The following ESF1 variants were observed in gnomAD, a reference collection of about 807,000 sequenced individuals.
ESF1 encodes ESF1 homolog.
In ESF1, 58 loss-of-function variants were observed where a neutral mutation model predicts 92.0. That is an observed-to-expected ratio of 0.63 (90% CI 0.51 to 0.78). ESF1 has a LOEUF of 0.78. Among genes scored for constraint, ESF1 ranks in the 30% least tolerant of loss-of-function variants. The pLI, the probability that ESF1 is intolerant of heterozygous loss-of-function variation, is 0.00. For synonymous variants in ESF1, 321 were observed against 313.7 expected, an observed-to-expected ratio of 1.02 and a Z score of -0.24; for missense variants, 922 against 989.1, an observed-to-expected ratio of 0.93 and a Z score of 0.91.
At chr20:13,754,184 C>G (rs988094346) in intron 9 of ESF1, among the ~76,000 whole-genome samples, 3 of 152,178 alleles carry the variant, frequency 2.0e-5, no homozygotes, top group Admixed American at 6.5e-5. Context: ...TTCAATATCA[C>G]CAGTGAGCTT....
At chr20:13,744,250 A>G (rs934712654) in intron 9 of ESF1, among the ~76,000 whole-genome samples, 3 of 152,238 alleles carry the variant, frequency 2.0e-5, no homozygotes, top group Non-Finnish European at 4.4e-5. Flanking sequence ...AAAAGACACT[A>G]TAAAGAAAGT....
chr20:13,780,495 A>G (rs1980131781), intron 2 of ESF1, among the ~76,000 whole-genome samples: 1 of 152,174 alleles, frequency 6.6e-6, no homozygotes, highest in African/African-American at 2.4e-5. Context: ...TGGTTCCACT[A>G]CAAATGTAAA....
intron 9 of ESF1, among the ~76,000 whole-genome samples, chr20:13,748,462 A>G (rs1337524706): frequency 7.9e-6 from 1 of 125,792 alleles, no homozygotes; most frequent in African/African-American, 3.0e-5. Flanking sequence ...ATATATACAT[A>G]TATACACATA....
chr20:13,748,541 TGTGTGTG>T, intron 9 of ESF1, among the ~76,000 whole-genome samples: 6 of 52,584 alleles, frequency 1.1e-4, no homozygotes, highest in African/African-American at 2.0e-4. Context: ...CACATATATA[TGTGTGTG>T]TATATATATA....
intron 9 of ESF1, among the ~76,000 whole-genome samples, chr20:13,743,406 A>G (rs2050028100): frequency 6.6e-6 from 1 of 152,242 alleles, no homozygotes; most frequent in South Asian, 2.1e-4. Context: ...TGAAATCAGT[A>G]TCTTGAAGAG....
chr20:13,749,478 T>C (rs1476384762), intron 9 of ESF1, among the ~76,000 whole-genome samples: 1 of 152,080 alleles, frequency 6.6e-6, no homozygotes, highest in African/African-American at 2.4e-5. Context: ...ATACACAGGG[T>C]CAGGTTTTCA....
chr20:13,742,448 G>A (rs1298443921), intron 9 of ESF1, among the ~76,000 whole-genome samples: 2 of 151,822 alleles, frequency 1.3e-5, no homozygotes, highest in African/African-American at 4.8e-5. Context: ...TCCAGCCTGG[G>A]CAACAGAGTG....
At chr20:13,759,925 C>G in intron 8 of ESF1, 72 bp from the exon 9 acceptor site, 1 of 1,485,630 alleles carries the variant, frequency 6.7e-7, no homozygotes, top group Non-Finnish European at 8.9e-7. Flanking sequence ...CTTATGGTCA[C>G]TCTCTTTTAA....
At chr20:13,731,881 A>C (rs2049945727) in intron 10 of ESF1, among the ~76,000 whole-genome samples, 1 of 152,228 alleles carries the variant, frequency 6.6e-6, no homozygotes, top group African/African-American at 2.4e-5. Context: ...GAGCTTCTGG[A>C]TAGCTGGACA....
intron 9 of ESF1, among the ~76,000 whole-genome samples, chr20:13,735,490 C>G (rs2049970293): frequency 6.6e-6 from 1 of 152,048 alleles, no homozygotes; most frequent in Non-Finnish European, 1.5e-5. Flanking sequence ...ATGTTTAGAT[C>G]TCTGATTCAA....
Position 13,770,122 on chromosome 20 carries a change from T to G in ESF1, c.1404-101A>C. 3 of 647,696 alleles carry G rather than the reference T, an allele frequency of 4.6e-6. No homozygotes were observed. In the South Asian group the frequency reaches 5.8e-5, roughly 12 times the overall value. 40.1% of individuals were successfully genotyped at this position (647,696 alleles called of 1,614,324 possible). A position where few individuals can be genotyped will look rare whatever the true frequency, so the allele number is the denominator to read the frequency against. ...TTGTAGTTTATACATACACAAACTT[T>G]CTAAAAGACACACGTTTAAGAGACA... On this transcript the variant is annotated intron_variant, in intron 6 of 13. Transcript: ENST00000617257.
chr20:13,753,086 C>T lies in ESF1; in HGVS notation c.1828+6606G>A, dbSNP rs139924785. Among the ~76,000 whole-genome samples the T allele has an allele frequency of 2.6e-5, 4 of 152,222 alleles. No individual in the cohort carries two copies. In the East Asian group the frequency reaches 7.7e-4, roughly 29 times the overall value. On this transcript the variant is annotated intron_variant, in intron 9 of 13. Transcript: ENST00000617257. ...CCCTACCACTATGAAAGCTTTAAGA[C>T]GATCAAAACTAATCTCAAAATCCCT...
Position 13,755,301 on chromosome 20 carries a change from T to G in ESF1, c.1828+4391A>C, listed in dbSNP as rs1402364906. Among the ~76,000 whole-genome samples, 4 of 152,222 alleles carry G rather than the reference T, an allele frequency of 2.6e-5. No homozygotes were observed. The South Asian group carries it at 6.2e-4, about 24-fold the overall frequency. ...CAGGACTTTTACCATAATCAAAAAT[T>G]TAAGATTATAAACAAACATGCCATT... is the stretch of plus-strand genomic sequence containing the variant. On this transcript the variant is annotated intron_variant, in intron 9 of 13. Coordinates refer to ENST00000617257, the MANE Select transcript of ESF1 (RefSeq NM_001276380.2).
chr20:13,760,018 T>A (rs1979088538), intron 8 of ESF1, among the ~76,000 whole-genome samples, 165 bp from the exon 9 acceptor site: 1 of 152,268 alleles, frequency 6.6e-6, no homozygotes, highest in South Asian at 2.1e-4. Flanking sequence ...TCATGTAGAA[T>A]AAAAATCAGT....
At chr20:13,717,566 C>T (rs372395065) in intron 12 of ESF1, 52 bp from the exon 13 acceptor site, 4 of 1,598,468 alleles carry the variant, frequency 2.5e-6, no homozygotes, top group African/African-American at 1.3e-5. Context: ...TTTTTTCCAC[C>T]CCCAAAAAGG....
chr20:13,765,258 A>G (rs6033819), intron 8 of ESF1, among the ~76,000 whole-genome samples: 104,292 of 152,068 alleles, frequency 0.69, 36,023 homozygotes, highest in East Asian at 0.89. Context: ...GATAAAGATA[A>G]TTTGAGGAAC....
At chr20:13,760,690 C>T (rs375678479) in intron 8 of ESF1, among the ~76,000 whole-genome samples, 2,510 of 151,738 alleles carry the variant, frequency 0.017, 20 homozygotes, top group Non-Finnish European at 0.023. Context: ...CCAGGCCAGC[C>T]GCCCCGTCTG....
chr20:13,776,259 T>G lies in ESF1; in HGVS notation c.649A>C (p.Ile217Leu). Reference sequence around the variant, plus strand: ...TAACCATCACTGTCTCTTGTCATTATGAGTTGAACCACTGCAAAATGTTAA... The same window carrying G: ...TAACCATCACTGTCTCTTGTCATTAGGAGTTGAACCACTGCAAAATGTTAA... ...RREMQSVVQL[I>L]MTRDSDGYEN... Residue 217 changes from isoleucine (I) to leucine (L), a missense_variant, in exon 3 of 14, where the codon ATA (isoleucine) becomes CTA (leucine). By Grantham distance (5) the Ile-to-Leu change is conservative. Transcript: ENST00000617257. The G allele has an allele frequency of 6.2e-7, 1 of 1,611,696 alleles. No homozygotes were observed. Among genetic ancestry groups the G allele is most frequent in the Non-Finnish European group, 8.5e-7 (1 of 1,179,050 alleles).
chr20:13,776,830 G>A (rs1449201042), intron 2 of ESF1, among the ~76,000 whole-genome samples: 1 of 152,176 alleles, frequency 6.6e-6, no homozygotes, highest in Non-Finnish European at 1.5e-5. Flanking sequence ...ATGGAAATTT[G>A]TTTGAAAGAG....
Sources: allele counts gnomAD v4.1 joint callset (sites outside exome capture counted in the v4.1 genomes callset), GRCh38; gene constraint gnomAD v4.1.1; transcripts MANE v1.5; gene names NCBI Gene and HGNC (gene_info 2026-07-23, HGNC 2026-07-21).